Variants in COMMD1 observed in about 807,000 individuals in gnomAD.
COMMD1 encodes COMM domain-containing protein 1.
Under a neutral mutation model 17.2 loss-of-function variants are expected in COMMD1, and 10 were observed. The observed-to-expected ratio is 0.58, with a 90% CI of 0.36 to 0.99. The LOEUF (loss-of-function observed/expected upper bound fraction) is 0.99, where lower values mean the gene tolerates loss of function less well. COMMD1 is among the 50% of genes least tolerant of loss of function. The pLI is 0.01. For synonymous variants in COMMD1, 97 were observed against 91.6 expected (o/e 1.06, Z -0.34); for missense variants, 270 against 231.8 (o/e 1.17, Z -1.07).
intron 2 of COMMD1, among the ~76,000 whole-genome samples, chr2:62,062,879 G>A (rs1022429560): frequency 2.6e-5 from 4 of 151,880 alleles, no homozygotes; most frequent in Admixed American, 1.3e-4. Context: ...TGACCAGCCT[G>A]GGCAACGTAG....
chr2:61,946,208 AAATT>A (rs1234985668), intron 1 of COMMD1, among the ~76,000 whole-genome samples: 1 of 152,244 alleles, frequency 6.6e-6, no homozygotes, highest in Non-Finnish European at 1.5e-5. Context: ...TAATTAAAAA[AAATT>A]AATCAGAGAG....
upstream of COMMD1, chr2:61,888,567 G>A (rs1669319441): frequency 6.3e-7 from 1 of 1,576,308 alleles, no homozygotes; most frequent in Non-Finnish European, 8.6e-7. Context: ...GATTCTGGCC[G>A]GCCGCAGTGT....
chr2:62,040,596 A>C (rs184892032), intron 2 of COMMD1, among the ~76,000 whole-genome samples: 1 of 152,292 alleles, frequency 6.6e-6, no homozygotes, highest in East Asian at 1.9e-4. Context: ...GAGTTCTTGG[A>C]ATTATATATC....
At chr2:61,911,172 A>G (rs1319707559) in intron 1 of COMMD1, among the ~76,000 whole-genome samples, 1 of 151,272 alleles carries the variant, frequency 6.6e-6, no homozygotes, top group African/African-American at 2.4e-5. Context: ...ATTTATATCA[A>G]TCAAATGTTA....
chr2:61,982,095 A>G (rs144099235), intron 1 of COMMD1, among the ~76,000 whole-genome samples: 3 of 152,320 alleles, frequency 2.0e-5, no homozygotes, highest in African/African-American at 4.8e-5. Context: ...CATTTCAACA[A>G]TATTGATTCT....
At chr2:62,099,242 T>A (rs956022857) in intron 2 of COMMD1, among the ~76,000 whole-genome samples, 12 of 152,164 alleles carry the variant, frequency 7.9e-5, no homozygotes, top group African/African-American at 1.2e-4. Flanking sequence ...AGTTTCAAAA[T>A]TTTTTTTAAC....
At chr2:62,129,477 T>C (rs34511991) in intron 2 of COMMD1, among the ~76,000 whole-genome samples, 4,543 of 152,254 alleles carry the variant, frequency 0.03, 110 homozygotes, top group East Asian at 0.093. Context: ...GATCTTTTGC[T>C]ACAGAGAAGC....
intron 1 of COMMD1, among the ~76,000 whole-genome samples, chr2:61,892,257 C>T (rs1473797538): frequency 6.6e-6 from 1 of 151,976 alleles, no homozygotes; most frequent in Non-Finnish European, 1.5e-5. Context: ...ATACAATTTC[C>T]TTAATAATTT....
intron 2 of COMMD1, among the ~76,000 whole-genome samples, chr2:62,024,111 C>A (rs1355831118): frequency 6.6e-6 from 1 of 152,052 alleles, no homozygotes; most frequent in Non-Finnish European, 1.5e-5. Context: ...CATCATAATC[C>A]AAATTTAATA....
intron 2 of COMMD1, among the ~76,000 whole-genome samples, chr2:62,087,185 C>T (rs1278972607): frequency 1.3e-5 from 2 of 152,098 alleles, no homozygotes; most frequent in East Asian, 3.8e-4. Context: ...AAAGCTTCAA[C>T]AAAATTATTG....
intron 1 of COMMD1, among the ~76,000 whole-genome samples, chr2:61,913,454 G>C (rs897796322): frequency 6.6e-6 from 1 of 151,598 alleles, no homozygotes; most frequent in African/African-American, 2.4e-5. Context: ...GAGGCAGATG[G>C]ATCATGAGGT....
chr2:61,949,620 A>T (rs942732750), intron 1 of COMMD1, among the ~76,000 whole-genome samples: 2 of 152,232 alleles, frequency 1.3e-5, no homozygotes, highest in South Asian at 2.1e-4. Context: ...GGCAATGAGA[A>T]TAGTGTTTGT....
chr2:61,895,182 AGT>A (rs1669527528), intron 1 of COMMD1, among the ~76,000 whole-genome samples: 2 of 152,228 alleles, frequency 1.3e-5, no homozygotes, highest in Admixed American at 6.5e-5. Context: ...CAGCCAGGAG[AGT>A]GACATCAGCA....
chr2:62,071,233 T>G (rs374908626), intron 2 of COMMD1, among the ~76,000 whole-genome samples: 2 of 152,206 alleles, frequency 1.3e-5, no homozygotes, highest in African/African-American at 4.8e-5. Context: ...TTCCTGACGT[T>G]GCCATGGGAT....
intron 1 of COMMD1, among the ~76,000 whole-genome samples, chr2:61,988,978 C>A (rs547543990): frequency 3.9e-4 from 59 of 152,338 alleles, no homozygotes; most frequent in African/African-American, 1.4e-3. Context: ...CTCCCAAACA[C>A]ACAGATTCTC....
chr2:62,131,861 T>TACAC (rs373676350), intron 2 of COMMD1, among the ~76,000 whole-genome samples: 28 of 143,880 alleles, frequency 1.9e-4, no homozygotes, highest in African/African-American at 6.2e-4. Context: ...CATTTCTAAA[T>TACAC]ACACACACAC....
At chr2:62,126,469 C>A (rs1558610417) in intron 2 of COMMD1, among the ~76,000 whole-genome samples, 1 of 152,180 alleles carries the variant, frequency 6.6e-6, no homozygotes, top group Non-Finnish European at 1.5e-5. Flanking sequence ...GCCATTCTGA[C>A]TGGCATGAGA....
chr2:61,889,353 C>G (rs1669358640), intron 1 of COMMD1, among the ~76,000 whole-genome samples: 1 of 150,982 alleles, frequency 6.6e-6, no homozygotes, highest in Non-Finnish European at 1.5e-5. Flanking sequence ...ACGACAGGTG[C>G]CCGCCACCAT....
chr2:62,086,569 C>T (rs1382615148), intron 2 of COMMD1, among the ~76,000 whole-genome samples: 1 of 151,772 alleles, frequency 6.6e-6, no homozygotes, highest in African/African-American at 2.4e-5. Flanking sequence ...TTCGACTAAG[C>T]ATTTCTGGTA....
Sources: gnomAD v4.1 joint callset for allele counts (sites outside exome capture counted in the v4.1 genomes callset) on GRCh38, gnomAD v4.1.1 for gene constraint, MANE v1.5 for transcripts, NCBI Gene and HGNC (gene_info 2026-07-23, HGNC 2026-07-21) for gene names.